LTAP1: variants seen among roughly 807,000 people sequenced by gnomAD.
LTAP1 encodes lipid transport auxiliary protein 1, also known as HCV NS5A-transactivated protein 4.
chr1:154,215,750 G>C, the LTAP1 span, among the ~76,000 whole-genome samples: 4 of 151,722 alleles, frequency 2.6e-5, no homozygotes, highest in Non-Finnish European at 5.9e-5. Flanking sequence ...AGGTAACATA[G>C]ATGTACATTT....
the LTAP1 span, chr1:154,211,625 G>T: frequency 6.6e-6 from 1 of 150,828 alleles, no homozygotes; most frequent in African/African-American, 2.4e-5. Flanking sequence ...GTGAGCCACC[G>T]CGCCCGGCCC....
chr1:154,207,899 G>A, the LTAP1 span, among the ~76,000 whole-genome samples: 86 of 152,122 alleles, frequency 5.7e-4, no homozygotes, highest in Non-Finnish European at 1.0e-3. Flanking sequence ...TCAGGAGTTC[G>A]AGACCAGCCT....
the LTAP1 span, chr1:154,220,329 G>T: frequency 6.2e-7 from 1 of 1,614,022 alleles, no homozygotes; most frequent in Admixed American, 1.7e-5. Context: ...ATGGGGTGGG[G>T]TAATCTCCTC....
chr1:154,214,709 C>A, the LTAP1 span: 219 of 610,358 alleles, frequency 3.6e-4, 2 homozygotes, highest in East Asian at 3.7e-3. Flanking sequence ...ATAAAATTAC[C>A]AGATAAGAGG....
At chr1:154,216,261 C>T in the LTAP1 span, among the ~76,000 whole-genome samples, 4 of 152,158 alleles carry the variant, frequency 2.6e-5, no homozygotes, top group Non-Finnish European at 5.9e-5. Context: ...AAAAAAGATG[C>T]TTAGCTTTGC....
chr1:154,214,321 T>C, the LTAP1 span: 2 of 672,634 alleles, frequency 3.0e-6, no homozygotes, highest in Non-Finnish European at 5.3e-6. Context: ...AGCTAATAAA[T>C]GGGCTCTGCA....
At chr1:154,219,764 G>T in the LTAP1 span, 2 of 1,114,008 alleles carry the variant, frequency 1.8e-6, no homozygotes, top group East Asian at 4.8e-5. Context: ...CATCACTAAA[G>T]GCAGAGGAAA....
the LTAP1 span, chr1:154,212,406 A>C: frequency 6.2e-7 from 1 of 1,614,052 alleles, no homozygotes; most frequent in South Asian, 1.1e-5. Context: ...AAGAGTGAGG[A>C]TCTCTCAGTC....
At chr1:154,216,116 C>T in the LTAP1 span, among the ~76,000 whole-genome samples, 384 of 152,238 alleles carry the variant, frequency 2.5e-3, 1 homozygote, top group Non-Finnish European at 4.8e-3. Context: ...GGATTACAGG[C>T]GTGAGCCACC....
the LTAP1 span, among the ~76,000 whole-genome samples, chr1:154,209,394 C>T: frequency 2.7e-5 from 4 of 149,870 alleles, no homozygotes; most frequent in Non-Finnish European, 5.9e-5. Flanking sequence ...AGCCTTTCTA[C>T]ATGTTCATTT....
At chr1:154,218,639 A>T in the LTAP1 span, among the ~76,000 whole-genome samples, 1 of 152,212 alleles carries the variant, frequency 6.6e-6, no homozygotes, top group African/African-American at 2.4e-5. Context: ...TTCAGCAACA[A>T]ATTACAGAGT....
chr1:154,219,070 G>A, the LTAP1 span, among the ~76,000 whole-genome samples: 1 of 152,190 alleles, frequency 6.6e-6, no homozygotes, highest in Non-Finnish European at 1.5e-5. Flanking sequence ...CACAAAAGGG[G>A]GTTGGTAAGG....
chr1:154,211,352 T>G, the LTAP1 span, among the ~76,000 whole-genome samples: 1 of 137,568 alleles, frequency 7.3e-6, no homozygotes, highest in Non-Finnish European at 1.6e-5. Context: ...TTTTTTTTTT[T>G]TTTGAGATGG....
At chr1:154,210,501 G>A in the LTAP1 span, among the ~76,000 whole-genome samples, 1 of 152,038 alleles carries the variant, frequency 6.6e-6, no homozygotes, top group African/African-American at 2.4e-5. Context: ...ATTTTGAGAT[G>A]GAGTCTCGCT....
the LTAP1 span, chr1:154,220,445 C>A: frequency 6.2e-7 from 1 of 1,613,238 alleles, no homozygotes; most frequent in Non-Finnish European, 8.5e-7. Flanking sequence ...CGGGTTTACC[C>A]CGCTGTCCTG....
chr1:154,209,283 C>T, the LTAP1 span, among the ~76,000 whole-genome samples: 1 of 151,948 alleles, frequency 6.6e-6, no homozygotes, highest in East Asian at 1.9e-4. Context: ...AGTTTGACTA[C>T]CTAGGTATCT....
At chr1:154,209,423 GTTTTTT>G in the LTAP1 span, among the ~76,000 whole-genome samples, 1 of 101,852 alleles carries the variant, frequency 9.8e-6, no homozygotes, top group Non-Finnish European at 1.9e-5. Context: ...GCTCTAAGCA[GTTTTTT>G]TTTTTTTTTT....
At chr1:154,219,964 T>C in the LTAP1 span, 2 of 1,535,874 alleles carry the variant, frequency 1.3e-6, no homozygotes, top group Admixed American at 2.1e-5. Flanking sequence ...AAAAATCCTT[T>C]AATAAAAAGT....
chr1:154,214,046 G>C, the LTAP1 span: 4 of 1,078,352 alleles, frequency 3.7e-6, no homozygotes, highest in Non-Finnish European at 4.1e-6. Flanking sequence ...GGGAGGCTGA[G>C]GTGGGTGGAT....
Sources: gnomAD v4.1 joint callset for allele counts (sites outside exome capture counted in the v4.1 genomes callset) on GRCh38, gnomAD v4.1.1 for gene constraint, MANE v1.5 for transcripts, NCBI Gene and HGNC (gene_info 2026-07-23, HGNC 2026-07-21) for gene names.